The following LRP1B variants were observed in gnomAD, a reference collection of about 807,000 sequenced individuals.
LRP1B encodes LDL receptor related protein 1B.
Under a neutral mutation model 556.6 loss-of-function variants are expected in LRP1B, and 217 were observed. The ratio of observed to expected loss-of-function variants is 0.39; its 90% CI spans 0.35 to 0.44. The LOEUF is 0.44. Among genes scored for constraint, LRP1B ranks in the 20% least tolerant of loss-of-function variants. LRP1B has a pLI of 1.00. For missense variants in LRP1B, 5,053 were observed against 5,620.8 expected (o/e 0.90, Z 3.23); for synonymous variants, 2,047 against 1,865.8 (o/e 1.10, Z -2.50).
At chr2:140,484,582 C>T (rs889449745) in intron 59 of LRP1B, among the ~76,000 whole-genome samples, 12 of 152,124 alleles carry the variant, frequency 7.9e-5, no homozygotes, top group African/African-American at 2.9e-4. Flanking sequence ...CTCCAAAGAT[C>T]ATTTTGGAGC....
intron 83 of LRP1B, among the ~76,000 whole-genome samples, chr2:140,301,845 A>G (rs990014905): frequency 1.6e-4 from 24 of 151,922 alleles, no homozygotes; most frequent in African/African-American, 5.8e-4. Context: ...GAATATGTAT[A>G]CTAATATATG....
chr2:141,299,241 A>G (rs1686300046), intron 3 of LRP1B, among the ~76,000 whole-genome samples: 1 of 152,160 alleles, frequency 6.6e-6, no homozygotes, highest in Admixed American at 6.5e-5. Flanking sequence ...AGGCCTTCAG[A>G]CAAATATATG....
intron 7 of LRP1B, among the ~76,000 whole-genome samples, chr2:141,085,370 T>C (rs1387418593): frequency 2.6e-5 from 4 of 152,208 alleles, no homozygotes; most frequent in Non-Finnish European, 4.4e-5. Flanking sequence ...AATGTGACTG[T>C]ATTTGAAAAT....
At chr2:141,209,165 C>T (rs115580040) in intron 6 of LRP1B, among the ~76,000 whole-genome samples, 247 of 152,052 alleles carry the variant, frequency 1.6e-3, no homozygotes, top group African/African-American at 5.8e-3. Context: ...GTTCTGTGTC[C>T]CCACCCAAAT....
chr2:140,787,764 A>G (rs1037512194), intron 32 of LRP1B, among the ~76,000 whole-genome samples: 3 of 151,696 alleles, frequency 2.0e-5, no homozygotes, highest in African/African-American at 2.4e-5. Flanking sequence ...CTGTGGGGTC[A>G]GGGTCTCATT....
intron 1 of LRP1B, among the ~76,000 whole-genome samples, chr2:142,040,478 A>G (rs575819323): frequency 6.0e-4 from 91 of 151,432 alleles, no homozygotes; most frequent in African/African-American, 2.1e-3. Context: ...ATCAGTTTTA[A>G]TTCTGCCTCT....
chr2:140,269,090 CTG>C (rs1178441727), intron 86 of LRP1B, among the ~76,000 whole-genome samples: 1 of 151,928 alleles, frequency 6.6e-6, no homozygotes, highest in African/African-American at 2.4e-5. Context: ...CTCTAGCAGT[CTG>C]TGGTGCACAC....
intron 1 of LRP1B, among the ~76,000 whole-genome samples, chr2:142,124,802 T>C (rs1707579493): frequency 6.6e-6 from 1 of 151,836 alleles, no homozygotes; most frequent in African/African-American, 2.4e-5. Context: ...ACTAGAAATA[T>C]GTTGCATAAT....
intron 18 of LRP1B, among the ~76,000 whole-genome samples, chr2:140,981,083 G>T (rs1053732849): frequency 6.6e-6 from 1 of 151,592 alleles, no homozygotes; most frequent in Non-Finnish European, 1.5e-5. Context: ...TAGACTGTGG[G>T]GACTTGGTGG....
chr2:141,224,149 G>GACACAC (rs143871429), intron 6 of LRP1B, among the ~76,000 whole-genome samples: 24 of 137,750 alleles, frequency 1.7e-4, no homozygotes, highest in Non-Finnish European at 3.2e-4. Context: ...TAAACAAATT[G>GACACAC]ACACACACAC....
At chr2:140,740,337 A>G (rs920772008) in intron 35 of LRP1B, among the ~76,000 whole-genome samples, 14 of 152,204 alleles carry the variant, frequency 9.2e-5, no homozygotes, top group Non-Finnish European at 2.9e-5. Context: ...TCCGCCATAA[A>G]AAGGAATGAG....
rs543397609 is a variant in LRP1B at position 140,296,719 on chromosome 2, G to A, written c.12967+1089C>T. On this transcript the variant is annotated intron_variant, in intron 84 of 90. Coordinates refer to ENST00000389484, the MANE Select transcript of LRP1B (RefSeq NM_018557.3). ...AGGATGAAATGATTAACTGCTGAAA[G>A]TAGATGTAAAATAAGAATTGAGATT... 2.2e-3 allele frequency among the ~76,000 whole-genome samples: 338 copies of A among 152,304 alleles called. 3 individuals carry two copies. The highest frequency in any genetic ancestry group is 7.3e-3 in the African/African-American group (304 of 41,578).
chr2:140,760,361 A>G (rs1688872253), intron 35 of LRP1B, among the ~76,000 whole-genome samples: 1 of 152,198 alleles, frequency 6.6e-6, no homozygotes, highest in Admixed American at 6.5e-5. Flanking sequence ...GCTTTCATTC[A>G]ACAGATACCA....
At chr2:140,997,696 T>A (rs1478285111) in intron 15 of LRP1B, among the ~76,000 whole-genome samples, 2 of 151,888 alleles carry the variant, frequency 1.3e-5, no homozygotes, top group Admixed American at 1.3e-4. Flanking sequence ...GAAATATTTG[T>A]TTGTTTATTT....
intron 31 of LRP1B, among the ~76,000 whole-genome samples, chr2:140,838,401 CCTGA>C (rs1691988175): frequency 6.6e-6 from 1 of 152,092 alleles, no homozygotes. Flanking sequence ...CTAATACAAC[CCTGA>C]CTTTCAATTA....
rs935448222 is a variant in LRP1B at position 141,164,512 on chromosome 2, C to T, written c.1013+23909G>A. On this transcript the variant is annotated intron_variant, in intron 7 of 90. Transcript: ENST00000389484. ...ATAAATGAATAGATAAAATTGCTTA[C>T]ATTTTACAAATGCTGCTTTTGAATG... Among the ~76,000 whole-genome samples, 4 of 152,072 alleles carry T rather than the reference C, an allele frequency of 2.6e-5. No homozygotes were observed. In the East Asian group the frequency reaches 7.7e-4, roughly 29 times the overall value.
rs539993096 is a variant in LRP1B at position 140,491,219 on chromosome 2, C to A, written c.9120+1389G>T. Among the ~76,000 whole-genome samples, 3 of 152,130 alleles carry A rather than the reference C, an allele frequency of 2.0e-5. No homozygotes were observed. In the South Asian group the frequency reaches 6.2e-4, roughly 32 times the overall value. ...CACTGAAGCTCTATTATAGCTCTGTCATGAAGATAATGAATATTGTTCTAT... is the reference window on the plus strand; with the variant it reads ...CACTGAAGCTCTATTATAGCTCTGTAATGAAGATAATGAATATTGTTCTAT... On this transcript the variant is annotated intron_variant, in intron 57 of 90. Transcript: ENST00000389484.
At chr2:141,010,246 A>G (rs527996517) in intron 14 of LRP1B, among the ~76,000 whole-genome samples, 14 of 152,190 alleles carry the variant, frequency 9.2e-5, no homozygotes, top group African/African-American at 3.4e-4. Flanking sequence ...AATAAAAAGG[A>G]AAGTCTGTTA....
intron 1 of LRP1B, among the ~76,000 whole-genome samples, chr2:141,895,054 AAAAAAAAAAAAAG>A (rs1406600977): frequency 4.7e-5 from 7 of 150,000 alleles, no homozygotes; most frequent in African/African-American, 1.7e-4. Context: ...ATCTCAAAAA[AAAAAAAAAAAAAG>A]AAAAGAAAAA....
Sources: allele counts gnomAD v4.1 joint callset (sites outside exome capture counted in the v4.1 genomes callset), GRCh38; gene constraint gnomAD v4.1.1; transcripts MANE v1.5; gene names NCBI Gene and HGNC (gene_info 2026-07-23, HGNC 2026-07-21).